The following AR variants were observed in gnomAD, a reference collection of about 807,000 sequenced individuals.
The protein encoded by AR is dihydrotestosterone receptor.
Under a neutral mutation model 53.9 loss-of-function variants are expected in AR, and 8 were observed. The observed-to-expected ratio is 0.15, with a 90% confidence interval of 0.09 to 0.27. The LOEUF (loss-of-function observed/expected upper bound fraction) is 0.27, where lower values mean the gene tolerates loss of function less well. AR is among the 10% of genes least tolerant of loss of function. The pLI, the probability that AR is intolerant of heterozygous loss-of-function variation, is 1.00. For synonymous variants in AR, 359 were observed against 316.4 expected (o/e 1.13, Z -1.43); for missense variants, 639 against 742.5 (o/e 0.86, Z 1.62).
intron 2 of AR, among the ~76,000 whole-genome samples, chrX:67,679,877 GT>G (rs930178056): frequency 9.0e-5 from 10 of 111,426 alleles, no homozygotes; most frequent in African/African-American, 3.3e-4. Flanking sequence ...TTATAATGGT[GT>G]TTATTTCACA....
rs1435416084 is a variant in AR, at chrX:67,574,454, G to A, written c.1616+27692G>A. Among the ~76,000 whole-genome samples the A allele has an allele frequency of 4.5e-5, 5 of 110,650 alleles. No individual in the cohort carries two copies. The Admixed American group carries it at 4.8e-4, about 11-fold the overall frequency. Reference sequence around the variant, plus strand: ...ACCCATTGGGCTAGTTTGAACGTGTGCAGTCTCTGTGCTCCCCGTTTTAGC... The same window carrying A: ...ACCCATTGGGCTAGTTTGAACGTGTACAGTCTCTGTGCTCCCCGTTTTAGC... On this transcript the variant is annotated intron_variant, in intron 1 of 7. Transcript: ENST00000374690.
intron 1 of AR, among the ~76,000 whole-genome samples, chrX:67,603,886 A>C (rs1342317909): frequency 9.0e-6 from 1 of 111,173 alleles, no homozygotes; most frequent in African/African-American, 3.3e-5. Context: ...GAAAAGGAGA[A>C]GACAGAAAAT....
chrX:67,685,653 C>CTT (rs2075961978), intron 2 of AR, among the ~76,000 whole-genome samples: 1 of 111,517 alleles, frequency 9.0e-6, no homozygotes, highest in African/African-American at 3.3e-5. Flanking sequence ...CTACGCCATG[C>CTT]TAAAGGGGTG....
intron 3 of AR, among the ~76,000 whole-genome samples, chrX:67,689,134 G>A (rs747598351): frequency 1.8e-4 from 20 of 111,146 alleles, no homozygotes; most frequent in Non-Finnish European, 3.2e-4. Flanking sequence ...GGACCTTTCT[G>A]GTGCTAACAT....
intron 2 of AR, among the ~76,000 whole-genome samples, chrX:67,684,641 C>T (rs749374862): frequency 3.6e-5 from 4 of 111,228 alleles, no homozygotes; most frequent in East Asian, 2.8e-4. Context: ...ACAAATAAAA[C>T]GTTAAAAAGG....
At chrX:67,586,356 C>T (rs893850901) in intron 1 of AR, among the ~76,000 whole-genome samples, 2 of 112,005 alleles carry the variant, frequency 1.8e-5, no homozygotes, top group African/African-American at 6.5e-5. Context: ...GCATGTTCTG[C>T]TCCTTCTGCC....
chrX:67,569,995 T>A (rs1921743010), intron 1 of AR, among the ~76,000 whole-genome samples: 1 of 111,832 alleles, frequency 8.9e-6, no homozygotes, highest in Admixed American at 9.5e-5. Context: ...GCCTTTGCAG[T>A]TTTTGGCTTA....
chrX:67,555,803 C>T (rs1228062548), intron 1 of AR, among the ~76,000 whole-genome samples: 1 of 112,192 alleles, frequency 8.9e-6, no homozygotes, highest in Admixed American at 9.4e-5. Context: ...CTGCAAGTGC[C>T]CCGTGGCAGG....
In AR at chrX:67,546,218, G is replaced by A. The variant is rs1205811537; in HGVS notation, c.1072G>A (p.Ala358Thr). The change falls in exon 1 of 8, where the codon GCG becomes ACG. Residue 358 changes from alanine (A) to threonine (T), a missense_variant. By Grantham distance (58) the Ala-to-Thr change is moderately conservative. This residue lies in a region of AR where 423 missense variants were observed against 377.0 expected (regional missense o/e 1.12). Transcript: ENST00000374690. ...GTCCGGAGCACTGGACGAGGCAGCT[G>A]CGTACCAGAGTCGCGACTACTACAA... ...YKSGALDEAA[A>T]YQSRDYYNFP... The A allele has an allele frequency of 1.7e-6, 2 of 1,211,589 alleles. No individual in the cohort carries two copies. The highest frequency in any genetic ancestry group is 4.3e-5 in the Admixed American group (2 of 46,145).
At chrX:67,552,725 ATAGC>A (rs1401413612) in intron 1 of AR, among the ~76,000 whole-genome samples, 1 of 112,021 alleles carries the variant, frequency 8.9e-6, no homozygotes, top group Admixed American at 9.4e-5. Flanking sequence ...CTTTTTCATT[ATAGC>A]TATATTAGTG....
chrX:67,695,445 C>A, intron 3 of AR: 2 of 754,336 alleles, frequency 2.7e-6, no homozygotes, highest in African/African-American at 4.6e-5. Flanking sequence ...TCTAGCCTTA[C>A]TGTAGCCACA....
chrX:67,591,610 G>A (rs1471673037), intron 1 of AR, among the ~76,000 whole-genome samples: 1 of 111,506 alleles, frequency 9.0e-6, no homozygotes, highest in Non-Finnish European at 1.9e-5. Flanking sequence ...TCTCCAAGGA[G>A]GCAAAATTCT....
At chrX:67,571,379 C>T (rs954505393) in intron 1 of AR, among the ~76,000 whole-genome samples, 4 of 111,218 alleles carry the variant, frequency 3.6e-5, no homozygotes, top group Non-Finnish European at 5.7e-5. Context: ...GCTTAATGGG[C>T]GCAACCATGA....
rs778001723 is a variant in AR at position 67,570,562 on chromosome X, A to T, written c.1616+23800A>T. The stretch of plus-strand genomic sequence containing the variant: ...TAAATCTTTTCATATTAATTTCATG[A>T]TGTCAGTGAAGTAAATTTGCAAGAT... On this transcript the variant is annotated intron_variant, in intron 1 of 7. Coordinates refer to ENST00000374690, the MANE Select transcript of AR (RefSeq NM_000044.6). Among the ~76,000 whole-genome samples, 4 of 111,528 alleles carry T rather than the reference A, an allele frequency of 3.6e-5. No individual in the cohort carries two copies. In the South Asian group the frequency reaches 1.5e-3, roughly 43 times the overall value.
intron 1 of AR, among the ~76,000 whole-genome samples, chrX:67,613,958 C>T (rs181727809): frequency 8.9e-6 from 1 of 112,180 alleles, no homozygotes; most frequent in Non-Finnish European, 1.9e-5. Flanking sequence ...ACATGCACAT[C>T]CAGTAGTGGT....
intron 1 of AR, among the ~76,000 whole-genome samples, chrX:67,574,590 G>A (rs1338901524): frequency 2.7e-5 from 3 of 111,367 alleles, no homozygotes; most frequent in African/African-American, 9.8e-5. Flanking sequence ...TAGCTTTGTA[G>A]CAGAAGTTTA....
chrX:67,549,661 A>C (rs1055436105), intron 1 of AR, among the ~76,000 whole-genome samples: 1 of 111,691 alleles, frequency 9.0e-6, no homozygotes, highest in Admixed American at 9.5e-5. Context: ...ATATGACAAA[A>C]ATTTATTCTT....
chrX:67,672,200 A>G (rs2075869770), intron 2 of AR, among the ~76,000 whole-genome samples: 1 of 111,564 alleles, frequency 9.0e-6, no homozygotes, highest in South Asian at 3.8e-4. Context: ...CCCACTTATA[A>G]ATGAGAAAAT....
chrX:67,593,858 G>A (rs1922954723), intron 1 of AR, among the ~76,000 whole-genome samples: 2 of 111,859 alleles, frequency 1.8e-5, no homozygotes, highest in Admixed American at 9.5e-5. Flanking sequence ...ATTTTTAGAA[G>A]GCACATGATA....
Sources: allele counts gnomAD v4.1 joint callset (sites outside exome capture counted in the v4.1 genomes callset), GRCh38; gene constraint gnomAD v4.1.1; regional missense constraint gnomAD v4.1.1; transcripts MANE v1.5; gene names NCBI Gene and HGNC (gene_info 2026-07-23, HGNC 2026-07-21).